Variants in TPP2 observed in about 807,000 individuals in gnomAD.
TPP2 encodes the protein tripeptidyl peptidase 2, also known as tripeptidyl-peptidase 2.
In TPP2, 34 loss-of-function variants were observed where a neutral mutation model predicts 155.9. That is an observed-to-expected ratio of 0.22 (90% confidence interval 0.17 to 0.29). The LOEUF (loss-of-function observed/expected upper bound fraction) is 0.29. TPP2 is among the 10% of genes least tolerant of loss of function. The probability of loss-of-function intolerance (pLI) is 1.00; values close to 1 mark genes in which losing one functional copy is unlikely to be tolerated. For synonymous variants in TPP2, 510 were observed against 529.4 expected, an observed-to-expected ratio of 0.96 and a Z score of 0.50; for missense variants, 1,028 against 1,522.3, an observed-to-expected ratio of 0.68 and a Z score of 5.40.
chr13:102,630,271 G>C (rs929848766), intron 10 of TPP2, 76 bp downstream of exon 10: 5 of 1,092,542 alleles, frequency 4.6e-6, no homozygotes, highest in Admixed American at 2.4e-5. Context: ...CAGAGTTTTA[G>C]ATAAGTTTGC....
chr13:102,619,757 TA>T (rs1303714803), intron 5 of TPP2, among the ~76,000 whole-genome samples: 1 of 152,262 alleles, frequency 6.6e-6, no homozygotes, highest in African/African-American at 2.4e-5. Context: ...TCTTTCAATC[TA>T]GATATTAAAT....
At chr13:102,622,297 T>C (rs1021229834) in intron 5 of TPP2, among the ~76,000 whole-genome samples, 1 of 152,254 alleles carries the variant, frequency 6.6e-6, no homozygotes, top group Non-Finnish European at 1.5e-5. Flanking sequence ...TATTTTGTTT[T>C]AATCAGGCTA....
chr13:102,637,366 C>G, intron 14 of TPP2, 127 bp downstream of exon 14: 1 of 967,216 alleles, frequency 1.0e-6, no homozygotes, highest in Non-Finnish European at 1.5e-6. Flanking sequence ...ATCCATCTGC[C>G]AGGTTATTCA....
At chr13:102,672,761 A>G (rs924089284) in intron 27 of TPP2, among the ~76,000 whole-genome samples, 2 of 152,226 alleles carry the variant, frequency 1.3e-5, no homozygotes, top group African/African-American at 4.8e-5. Flanking sequence ...TGGATCAGGC[A>G]ATGGCAAGCC....
intron 2 of TPP2, 114 bp from the exon 3 acceptor site, chr13:102,613,986 CT>C (rs1880519332): frequency 1.2e-6 from 1 of 803,878 alleles, no homozygotes; most frequent in Non-Finnish European, 2.0e-6. Context: ...CATGAGCATC[CT>C]TATCCAATTT....
intron 27 of TPP2, among the ~76,000 whole-genome samples, chr13:102,672,024 G>A (rs557506757): frequency 2.9e-4 from 44 of 152,208 alleles, no homozygotes; most frequent in Admixed American, 1.4e-3. Context: ...TACTGACTGC[G>A]CAGTCTCTTC....
At chr13:102,667,752 C>T in intron 27 of TPP2, 5 of 985,408 alleles carry the variant, frequency 5.1e-6, no homozygotes, top group Non-Finnish European at 6.0e-6. Context: ...CCTGTGTCAC[C>T]CCCAGGTTGC....
intron 27 of TPP2, 56 bp from the exon 28 acceptor site, chr13:102,674,227 T>C: frequency 6.5e-7 from 1 of 1,531,870 alleles, no homozygotes; most frequent in Non-Finnish European, 8.8e-7. Flanking sequence ...CAGATAAGAA[T>C]TTACTTTTAA....
chr13:102,605,816 C>T (rs1007558113), intron 2 of TPP2, among the ~76,000 whole-genome samples: 3 of 151,848 alleles, frequency 2.0e-5, no homozygotes, highest in Non-Finnish European at 2.9e-5. Flanking sequence ...CTCCGCCTCC[C>T]GGGTTCTAGC....
Position 102,679,514 on chromosome 13 carries a change from T to G in TPP2, c.*1198T>G, listed in dbSNP as rs2139632749. Reference sequence around the variant, plus strand: ...TGTTCTCTTAAGATTTACTGCTGCTTAAAATTACTACCAGTAATCCTTAGT... The same window carrying G: ...TGTTCTCTTAAGATTTACTGCTGCTGAAAATTACTACCAGTAATCCTTAGT... On this transcript the variant is annotated 3_prime_UTR_variant, in exon 30 of 30. Transcript: ENST00000376052. The G allele has an allele frequency of 6.6e-6, 1 of 152,378 alleles. No individual in the cohort carries two copies. Among genetic ancestry groups the G allele is most frequent in the South Asian group, 2.1e-4 (1 of 4,832 alleles). The allele number at this position is 152,378 out of a possible 1,614,324, so 9.4% of individuals were successfully genotyped here.
chr13:102,627,217 G>T (rs1595159325), intron 7 of TPP2, 51 bp downstream of exon 7: 3 of 1,493,890 alleles, frequency 2.0e-6, no homozygotes, highest in Non-Finnish European at 1.8e-6. Context: ...AATGATCTTG[G>T]ATATTTTTAG....
In TPP2 at chr13:102,678,445, A is replaced by G. The variant is rs1885425492; in HGVS notation, c.*129A>G. The stretch of plus-strand genomic sequence containing the variant: ...ATCCAGTACTGATTATTAAAATGAC[A>G]TGTATTTATCAGAGAATTCACTGAC... On this transcript the variant is annotated 3_prime_UTR_variant, in exon 30 of 30. Coordinates refer to ENST00000376052, the MANE Select transcript of TPP2 (RefSeq NM_001330588.2). 9 of 706,800 alleles carry G rather than the reference A, an allele frequency of 1.3e-5. No homozygotes were observed. The highest frequency in any genetic ancestry group is 1.8e-5 in the Non-Finnish European group (8 of 435,148). The allele number at this position is 706,800 out of a possible 1,614,324, so 43.8% of individuals were successfully genotyped here. A position where few individuals can be genotyped will look rare whatever the true frequency, so the allele number is the denominator to read the frequency against.
At chr13:102,646,486 A>C in intron 20 of TPP2, 96 bp downstream of exon 20, 2 of 789,290 alleles carry the variant, frequency 2.5e-6, no homozygotes, top group Non-Finnish European at 3.8e-6. Flanking sequence ...TGTATATGGT[A>C]TATATAAAAA....
In TPP2 at chr13:102,676,303, C is replaced by T; in HGVS notation, c.3587C>T (p.Thr1196Ile). 1 of 1,597,900 alleles carries T rather than the reference C, an allele frequency of 6.3e-7. No individual in the cohort carries two copies. Among genetic ancestry groups the T allele is most frequent in the Non-Finnish European group, 8.5e-7 (1 of 1,169,598 alleles). ...WTDLFDNKVL[T>I]FAYKHALVNK... is the part of the protein sequence containing the mutation. Reference sequence around the variant, plus strand: ...TCATGTTTTACATTGTAGGTTTTGACATTTGCATATAAACATGCATTAGTA... The same window carrying T: ...TCATGTTTTACATTGTAGGTTTTGATATTTGCATATAAACATGCATTAGTA... Residue 1196 changes from threonine (T) to isoleucine (I), a missense_variant, in exon 29 of 30, where the codon ACA (threonine) becomes ATA (isoleucine). Transcript: ENST00000376052.
chr13:102,656,752 C>T (rs928451529), intron 24 of TPP2, among the ~76,000 whole-genome samples: 2 of 152,132 alleles, frequency 1.3e-5, no homozygotes, highest in African/African-American at 2.4e-5. Flanking sequence ...GGTCAGTGTA[C>T]TTTTGTCATC....
chr13:102,656,878 A>T, intron 24 of TPP2, 178 bp from the exon 25 acceptor site: 1 of 485,874 alleles, frequency 2.1e-6, no homozygotes, highest in Non-Finnish European at 3.5e-6. Flanking sequence ...TCAGTTTGTG[A>T]GAAAATTACT....
intron 6 of TPP2, among the ~76,000 whole-genome samples, chr13:102,624,894 T>A (rs1316127361): frequency 1.6e-5 from 2 of 128,520 alleles, no homozygotes; most frequent in African/African-American, 6.1e-5. Context: ...AGTCTCGCTC[T>A]GTCGCCCAGG....
intron 8 of TPP2, among the ~76,000 whole-genome samples, chr13:102,629,128 A>G (rs1206781681): frequency 6.6e-6 from 1 of 152,194 alleles, no homozygotes; most frequent in Non-Finnish European, 1.5e-5. Context: ...ATTTCTACTC[A>G]TAATTGTATG....
chr13:102,640,526 T>C (rs921551706), intron 16 of TPP2, 150 bp downstream of exon 16: 9 of 597,404 alleles, frequency 1.5e-5, no homozygotes, highest in African/African-American at 1.3e-4. Flanking sequence ...GTTCAAAACG[T>C]TTTTAAGATC....
Sources: allele counts gnomAD v4.1 joint callset (sites outside exome capture counted in the v4.1 genomes callset), GRCh38; gene constraint gnomAD v4.1.1; transcripts MANE v1.5; gene names NCBI Gene and HGNC (gene_info 2026-07-23, HGNC 2026-07-21).